The following ZNF707 variants were observed in gnomAD, a reference collection of about 807,000 sequenced individuals.
ZNF707 encodes the protein zinc finger protein 707.
Under a neutral mutation model 13.3 loss-of-function variants are expected in ZNF707, and 8 were observed. That is an observed-to-expected ratio of 0.60 (90% CI 0.35 to 1.09). The LOEUF is 1.09. Ranked by LOEUF, ZNF707 falls within the 50% of genes least tolerant of loss-of-function variation. The pLI is 0.02. For synonymous variants in ZNF707, 225 were observed against 205.6 expected (o/e 1.09, Z -0.81); for missense variants, 530 against 512.6 (o/e 1.03, Z -0.33).
At chr8:143,688,411 G>A (rs1259888719) in intron 1 of ZNF707, among the ~76,000 whole-genome samples, 1 of 152,106 alleles carries the variant, frequency 6.6e-6, no homozygotes, top group African/African-American at 2.4e-5. Flanking sequence ...AGGGGTGAAC[G>A]CCGAGGGAGC....
rs931413612 is a variant in ZNF707, at chr8:143,691,512, C to T, written c.143-88C>T. The T allele has an allele frequency of 5.4e-5, 77 of 1,418,400 alleles. No homozygotes were observed. The African/African-American group carries it at 1.0e-3, about 19-fold the overall frequency. The allele number at this position is 1,418,400 out of a possible 1,614,324, so 87.9% of individuals were successfully genotyped here. On this transcript the variant is annotated intron_variant, in intron 4 of 5. Coordinates refer to ENST00000358656, the MANE Select transcript of ZNF707 (RefSeq NM_001100598.2). ...GGCCTCCCGAGGGCTGGCCTGGCGT[C>T]TTAGGCTGATGCACAACTGCTCTGA...
Position 143,694,298 on chromosome 8 carries a change from A to G in ZNF707, c.884A>G (p.Lys295Arg), listed in dbSNP as rs1554614700. The G allele has an allele frequency of 1.9e-6, 3 of 1,599,870 alleles. No homozygotes were observed. Among genetic ancestry groups the G allele is most frequent in the Middle Eastern group, 1.7e-4 (1 of 6,002 alleles). ...ERPFYCADCG[K>R]AFRTKENLSH... is the part of the protein sequence containing the mutation. ...CCGTTCTACTGCGCGGACTGCGGCAAAGCCTTCCGGACCAAGGAGAACCTC... is the reference window on the plus strand; with the variant it reads ...CCGTTCTACTGCGCGGACTGCGGCAGAGCCTTCCGGACCAAGGAGAACCTC... The change falls in exon 6 of 6, where the codon AAA becomes AGA. Residue 295 changes from lysine (K) to arginine (R), a missense_variant. Physicochemically the swap from Lys to Arg is conservative, Grantham distance 26. Coordinates refer to ENST00000358656, the MANE Select transcript of ZNF707 (RefSeq NM_001100598.2). The surrounding 1 kb of genome is among the most constrained non-coding windows in gnomAD (Gnocchi z 4.4).
chr8:143,690,920 C>A, intron 3 of ZNF707, 153 bp from the exon 4 acceptor site: 3 of 1,004,490 alleles, frequency 3.0e-6, no homozygotes, highest in South Asian at 1.7e-5. Context: ...CAGACACAGC[C>A]ACTCGGGGCT....
In ZNF707 at chr8:143,693,557, A is replaced by C; in HGVS notation, c.257-114A>C. ...TGATCCACCCGCCTCGGCCTCCCAA[A>C]GTGCTGGGATTACAGGCGTGAGCCA... On this transcript the variant is annotated intron_variant, in intron 5 of 5. Coordinates refer to ENST00000358656, the MANE Select transcript of ZNF707 (RefSeq NM_001100598.2). This position sits in a 1 kb window ranked among gnomAD's most constrained non-coding sequence, Gnocchi z 4.1. 2 of 1,245,392 alleles carry C rather than the reference A, an allele frequency of 1.6e-6. No individual in the cohort carries two copies. Among genetic ancestry groups the C allele is most frequent in the Non-Finnish European group, 2.1e-6 (2 of 942,972 alleles). 77.1% of individuals were successfully genotyped at this position (1,245,392 alleles called of 1,614,324 possible).
chr8:143,694,188 GC>G lies in ZNF707; in HGVS notation c.777del (p.Tyr260ThrfsTer80). 1 of 1,575,068 alleles carries G rather than the reference GC, an allele frequency of 6.3e-7. No individual in the cohort carries two copies. On this transcript the variant is annotated frameshift_variant, in exon 6 of 6. Transcript: ENST00000358656. LOFTEE classifies it low-confidence loss of function (END_TRUNC). This position sits in a 1 kb window ranked among gnomAD's most constrained non-coding sequence, Gnocchi z 4.4. ...ACCGCAAGGTCCACACCGAGCACAG[GC>G]CCTACTCGTGTGGCGACTGTGGGAA... ...QHRKVHTEHRPYSCGDCGKAF... is the reference protein window; with the variant it reads ...QHRKVHTEHRXYSCGDCGKAF...
Position 143,691,102 on chromosome 8 carries a change from C to T in ZNF707, c.45C>T (p.Ile15=). ...CAGTGACCTTCAGGGACGTGGCCAT[C>T]TACTTCTCAAGGGAGGAGTGGGCGT... ...QEPVTFRDVA[I]YFSREEWACL... The change falls in exon 4 of 6, where the codon ATC becomes ATT. Residue 15 remains isoleucine, a synonymous_variant. Coordinates refer to ENST00000358656, the MANE Select transcript of ZNF707 (RefSeq NM_001100598.2). 1 of 1,613,944 alleles carries T rather than the reference C, an allele frequency of 6.2e-7. No homozygotes were observed. Among genetic ancestry groups the T allele is most frequent in the Non-Finnish European group, 8.5e-7 (1 of 1,179,876 alleles).
At chr8:143,687,823 A>G (rs1816428476) in intron 1 of ZNF707, among the ~76,000 whole-genome samples, 1 of 152,146 alleles carries the variant, frequency 6.6e-6, no homozygotes. Flanking sequence ...CGGGTTGAAG[A>G]AGTTCTCTTC....
rs367651938 is a variant in ZNF707 at position 143,694,287 on chromosome 8, G to T, written c.873G>T (p.Ala291=). The part of the protein sequence containing the change: ...VHTGERPFYC[A]DCGKAFRTKE... ...CCGGGGAGCGGCCGTTCTACTGCGC[G>T]GACTGCGGCAAAGCCTTCCGGACCA... Residue 291 remains alanine, a synonymous_variant, in exon 6 of 6, where the codon GCG becomes GCT. Coordinates refer to ENST00000358656, the MANE Select transcript of ZNF707 (RefSeq NM_001100598.2). This position sits in a 1 kb window ranked among gnomAD's most constrained non-coding sequence, Gnocchi z 4.4. 8.8e-6 allele frequency: 14 copies of T among 1,598,186 alleles called. No individual in the cohort carries two copies. The highest frequency in any genetic ancestry group is 2.6e-6 in the Non-Finnish European group (3 of 1,171,270).
rs1554614554 is a variant in ZNF707 at position 143,694,074 on chromosome 8, G to A, written c.660G>A (p.Gln220=). Residue 220 remains glutamine (Q), a synonymous_variant, in exon 6 of 6, where the codon CAG becomes CAA. Transcript: ENST00000358656. The surrounding 1 kb of genome is among the most constrained non-coding windows in gnomAD (Gnocchi z 4.4). ...GQTFRWASNL[Q]RHQKNHTREK... ...CCTTCCGGTGGGCTTCAAACCTGCA[G>A]CGCCACCAGAAGAACCACACGCGCG... The A allele has an allele frequency of 6.2e-7, 1 of 1,607,668 alleles. No homozygotes were observed. Among genetic ancestry groups the A allele is most frequent in the Non-Finnish European group, 8.5e-7 (1 of 1,178,032 alleles).
At chr8:143,689,864 A>T (rs1358524576) in intron 2 of ZNF707, among the ~76,000 whole-genome samples, 193 bp from the exon 3 acceptor site, 3 of 152,006 alleles carry the variant, frequency 2.0e-5, no homozygotes, top group African/African-American at 7.3e-5. Context: ...TCCCTTAAAG[A>T]TATGTTGGCC....
intron 4 of ZNF707, 97 bp downstream of exon 4, chr8:143,691,296 C>T: frequency 1.3e-6 from 2 of 1,488,118 alleles, no homozygotes; most frequent in Non-Finnish European, 1.8e-6. Context: ...GTAGTGGGGC[C>T]TCCCAGCTGA....
At position 143,694,378 on chromosome 8, in the gene ZNF707, G is replaced by A. The variant is rs782359327; in HGVS notation, c.964G>A (p.Gly322Ser). The A allele has an allele frequency of 6.2e-6, 10 of 1,612,202 alleles. No individual in the cohort carries two copies. Among genetic ancestry groups the A allele is most frequent in the South Asian group, 2.2e-5 (2 of 91,004 alleles). ...GAAGCCCTACACCTGTGCCGAGTGC[G>A]GCAAGTCCTTCCGGTGGCCCAAGGG... The part of the protein sequence containing the change: ...GEKPYTCAEC[G>S]KSFRWPKGFS... The change falls in exon 6 of 6, where the codon GGC (glycine) becomes AGC (serine). Residue 322 changes from glycine (G) to serine (S), a missense_variant. Coordinates refer to ENST00000358656, the MANE Select transcript of ZNF707 (RefSeq NM_001100598.2). The surrounding 1 kb of genome is among the most constrained non-coding windows in gnomAD (Gnocchi z 4.4).
intron 1 of ZNF707, among the ~76,000 whole-genome samples, chr8:143,687,183 T>C (rs1171105094): frequency 6.6e-6 from 1 of 151,874 alleles, no homozygotes; most frequent in Non-Finnish European, 1.5e-5. Context: ...AATTTGTAAT[T>C]TTTTAAAAGT....
At chr8:143,690,234 C>T (rs1399697577) in intron 3 of ZNF707, 111 bp downstream of exon 3, 12 of 1,407,898 alleles carry the variant, frequency 8.5e-6, no homozygotes, top group Admixed American at 3.9e-5. Context: ...GCACTGTGCC[C>T]GTGTCTGCCT....
In ZNF707 at chr8:143,694,702, G is replaced by C; in HGVS notation, c.*172G>C. The C allele has an allele frequency of 2.7e-6, 2 of 743,742 alleles. No individual in the cohort carries two copies. Among genetic ancestry groups the C allele is most frequent in the Non-Finnish European group, 4.2e-6 (2 of 481,042 alleles). The allele number at this position is 743,742 out of a possible 1,614,324, so 46.1% of individuals were successfully genotyped here. On this transcript the variant is annotated 3_prime_UTR_variant, in exon 6 of 6. Transcript: ENST00000358656. This position sits in a 1 kb window ranked among gnomAD's most constrained non-coding sequence, Gnocchi z 4.4. Reference sequence around the variant, plus strand: ...AAGTTTACTGGGAAAACTGCCAGGTGGGAGAAGCAGAGCCATGGGTACGCC... The same window carrying C: ...AAGTTTACTGGGAAAACTGCCAGGTCGGAGAAGCAGAGCCATGGGTACGCC...
In ZNF707 at chr8:143,694,643, C is replaced by T; in HGVS notation, c.*113C>T. The T allele has an allele frequency of 1.6e-6, 2 of 1,243,582 alleles. No homozygotes were observed. The highest frequency in any genetic ancestry group is 1.5e-5 in the African/African-American group (1 of 66,360). The allele number at this position is 1,243,582 out of a possible 1,614,324, so 77.0% of individuals were successfully genotyped here. Reference sequence around the variant, plus strand: ...AAAATCAACCTGAATTCAGAGAAGCCTTCTTAGTCCTCAGAGCTCCCCAGT... The same window carrying T: ...AAAATCAACCTGAATTCAGAGAAGCTTTCTTAGTCCTCAGAGCTCCCCAGT... On this transcript the variant is annotated 3_prime_UTR_variant, in exon 6 of 6. Coordinates refer to ENST00000358656, the MANE Select transcript of ZNF707 (RefSeq NM_001100598.2). This position sits in a 1 kb window ranked among gnomAD's most constrained non-coding sequence, Gnocchi z 4.4.
intron 3 of ZNF707, 30 bp downstream of exon 3, chr8:143,690,153 C>A (rs1554613134): frequency 2.5e-6 from 4 of 1,601,658 alleles, no homozygotes; most frequent in Non-Finnish European, 3.4e-6. Flanking sequence ...AGCGCAGCCT[C>A]CCTTCTGCCC....
intron 5 of ZNF707, among the ~76,000 whole-genome samples, chr8:143,692,486 C>T (rs112111875): frequency 9.4e-5 from 10 of 106,198 alleles, no homozygotes; most frequent in Admixed American, 2.7e-4. Flanking sequence ...GTCGGATCCC[C>T]GGGTGTGTGG....
In ZNF707 at chr8:143,693,849, C is replaced by A. The variant is rs1554614352; in HGVS notation, c.435C>A (p.Pro145=). Residue 145 remains proline, a synonymous_variant, in exon 6 of 6, where the codon CCC becomes CCA. Transcript: ENST00000358656. The surrounding 1 kb of genome is among the most constrained non-coding windows in gnomAD (Gnocchi z 4.1). ...CTCCAGAAAGGACAGACGCCAAGCC[C>A]ACGGCTTTCCCGTGTCAGGTGCTCA... ...RAAPERTDAK[P]TAFPCQVLTQ... 1 of 1,611,242 alleles carries A rather than the reference C, an allele frequency of 6.2e-7. No homozygotes were observed. Among genetic ancestry groups the A allele is most frequent in the Admixed American group, 1.7e-5 (1 of 59,800 alleles).
Sources: allele counts gnomAD v4.1 joint callset (sites outside exome capture counted in the v4.1 genomes callset), GRCh38; gene constraint gnomAD v4.1.1; non-coding constraint Gnocchi (gnomAD v3.1); transcripts MANE v1.5; gene names NCBI Gene and HGNC (gene_info 2026-07-23, HGNC 2026-07-21).